SLC4A4: variants seen among roughly 807,000 people sequenced by gnomAD.
SLC4A4 encodes solute carrier family 4 member 4, also known as electrogenic sodium bicarbonate cotransporter 1.
Under a neutral mutation model 111.5 loss-of-function variants are expected in SLC4A4, and 27 were observed. The observed-to-expected ratio is 0.24, with a 90% CI of 0.18 to 0.33. The LOEUF (loss-of-function observed/expected upper bound fraction) is 0.33, where lower values mean the gene tolerates loss of function less well. Among genes scored for constraint, SLC4A4 ranks in the 10% least tolerant of loss-of-function variants. The probability of loss-of-function intolerance (pLI) is 1.00; values close to 1 mark genes in which losing one functional copy is unlikely to be tolerated. For synonymous variants in SLC4A4, 443 were observed against 463.4 expected (o/e 0.96, Z 0.57); for missense variants, 909 against 1,315.5 (o/e 0.69, Z 4.78).
At chr4:71,290,646 G>A (rs1253329451) in intron 3 of SLC4A4, among the ~76,000 whole-genome samples, 2 of 152,148 alleles carry the variant, frequency 1.3e-5, no homozygotes, top group Non-Finnish European at 2.9e-5. Flanking sequence ...CATATGACTG[G>A]GTATCTGGGT....
intron 12 of SLC4A4, among the ~76,000 whole-genome samples, chr4:71,464,539 A>C (rs1727139864): frequency 6.6e-6 from 1 of 152,194 alleles, no homozygotes; most frequent in South Asian, 2.1e-4. Flanking sequence ...TGTAAATGGA[A>C]GTCCTTATGA....
chr4:71,379,914 T>C (rs1385661243), intron 6 of SLC4A4, among the ~76,000 whole-genome samples: 1 of 152,170 alleles, frequency 6.6e-6, no homozygotes, highest in African/African-American at 2.4e-5. Flanking sequence ...TGGGGCTTTT[T>C]TGAAGAAACT....
At chr4:71,289,386 C>A (rs1349486493) in intron 3 of SLC4A4, among the ~76,000 whole-genome samples, 1 of 152,148 alleles carries the variant, frequency 6.6e-6, no homozygotes, top group Non-Finnish European at 1.5e-5. Context: ...TTGTTAATTA[C>A]AACTAGTTAG....
intron 6 of SLC4A4, among the ~76,000 whole-genome samples, chr4:71,370,725 C>T (rs995694790): frequency 2.6e-5 from 4 of 152,174 alleles, no homozygotes; most frequent in African/African-American, 4.8e-5. Flanking sequence ...ATAGAAATTG[C>T]TCAAGAAATT....
In SLC4A4 at chr4:71,403,643, A is replaced by G. The variant is rs574575366; in HGVS notation, c.807+5990A>G. On this transcript the variant is annotated intron_variant, in intron 7 of 25. Coordinates refer to ENST00000264485, the MANE Select transcript of SLC4A4 (RefSeq NM_001098484.3). ...AAGATGATGTGTTCAAGAAACAGGA[A>G]AAAAAATATCATAAGTGGCTGGAGC... is the stretch of plus-strand genomic sequence containing the variant. Among the ~76,000 whole-genome samples, 10 of 152,230 alleles carry G rather than the reference A, an allele frequency of 6.6e-5. No individual in the cohort carries two copies. The South Asian group carries it at 2.1e-3, about 32-fold the overall frequency.
At chr4:71,526,629 T>A (rs919533751) in intron 16 of SLC4A4, among the ~76,000 whole-genome samples, 1 of 152,144 alleles carries the variant, frequency 6.6e-6, no homozygotes, top group Non-Finnish European at 1.5e-5. Context: ...TTTCTATGGC[T>A]GTTTTGTCAA....
chr4:71,267,819 G>GAAAAAAAAAAAAAAA (rs1722399005), intron 3 of SLC4A4, among the ~76,000 whole-genome samples: 1 of 62,928 alleles, frequency 1.6e-5, no homozygotes, highest in African/African-American at 5.4e-5. Flanking sequence ...AAAAAAAAAA[G>GAAAAAAAAAAAAAAA]AAAACGAAAC....
rs1168317518 is a variant in SLC4A4, at chr4:71,532,073, G to C, written c.2178G>C (p.Leu726=). ...TTTTATTTTTCCAGGCAAGAAAACT[G>C]ATCAGTGATTTTGCCATTATCTTGT... ...SPYFPTTARK[L]ISDFAIILSI... Residue 726 remains leucine (L), a synonymous_variant, in exon 17 of 26, where the codon CTG becomes CTC. Coordinates refer to ENST00000264485, the MANE Select transcript of SLC4A4 (RefSeq NM_001098484.3). The C allele has an allele frequency of 2.5e-6, 4 of 1,607,606 alleles. No homozygotes were observed. The highest frequency in any genetic ancestry group is 1.7e-5 in the Admixed American group (1 of 59,840).
At chr4:71,442,919 G>A (rs1362826073) in intron 8 of SLC4A4, among the ~76,000 whole-genome samples, 1 of 151,556 alleles carries the variant, frequency 6.6e-6, no homozygotes, top group African/African-American at 2.4e-5. Context: ...ACTATCAACC[G>A]GGTGAATGTC....
At chr4:71,230,708 C>T (rs1719361290) in intron 1 of SLC4A4, among the ~76,000 whole-genome samples, 1 of 152,200 alleles carries the variant, frequency 6.6e-6, no homozygotes, top group South Asian at 2.1e-4. Context: ...TCAAAAAGCC[C>T]TGCTATGAAC....
chr4:71,525,456 A>G (rs1733332875), intron 16 of SLC4A4, among the ~76,000 whole-genome samples: 2 of 152,158 alleles, frequency 1.3e-5, no homozygotes, highest in African/African-American at 4.8e-5. Context: ...GGTAGAAATT[A>G]TATGCTGTAG....
intron 3 of SLC4A4, among the ~76,000 whole-genome samples, chr4:71,322,491 G>C (rs1027773029): frequency 6.6e-6 from 1 of 151,972 alleles, no homozygotes; most frequent in Non-Finnish European, 1.5e-5. Context: ...AGTTGCACTC[G>C]AACAAATCTG....
At chr4:71,456,168 GA>G (rs1327010720) in intron 12 of SLC4A4, among the ~76,000 whole-genome samples, 1 of 152,112 alleles carries the variant, frequency 6.6e-6, no homozygotes, top group Non-Finnish European at 1.5e-5. Context: ...AACCTCCATT[GA>G]TAATTTCACT....
intron 14 of SLC4A4, among the ~76,000 whole-genome samples, chr4:71,482,452 G>C (rs1578010317): frequency 6.6e-6 from 1 of 151,588 alleles, no homozygotes; most frequent in Non-Finnish European, 1.5e-5. Flanking sequence ...AAACTTGAGA[G>C]CAGCTACTAA....
At chr4:71,189,550 A>G (rs772260887) in intron 1 of SLC4A4, among the ~76,000 whole-genome samples, 26 of 152,310 alleles carry the variant, frequency 1.7e-4, no homozygotes, top group East Asian at 1.9e-4. Flanking sequence ...TGGCAGGTAC[A>G]GTTTTGAGGT....
intron 3 of SLC4A4, among the ~76,000 whole-genome samples, chr4:71,337,090 T>G (rs1728489116): frequency 6.6e-6 from 1 of 152,186 alleles, no homozygotes; most frequent in African/African-American, 2.4e-5. Flanking sequence ...AAACACCCCA[T>G]GATTGGTCAA....
intron 3 of SLC4A4, among the ~76,000 whole-genome samples, chr4:71,326,403 C>T (rs752531527): frequency 7.9e-5 from 12 of 151,918 alleles, no homozygotes; most frequent in Non-Finnish European, 1.0e-4. Context: ...TTTGCTGAAC[C>T]TCTCTGAGCC....
At chr4:71,237,136 T>C (rs1193943055) in intron 2 of SLC4A4, among the ~76,000 whole-genome samples, 1 of 152,190 alleles carries the variant, frequency 6.6e-6, no homozygotes, top group East Asian at 1.9e-4. Flanking sequence ...TGGATGACTG[T>C]CAGTTAGGAA....
chr4:71,560,339 G>T, intron 23 of SLC4A4, 85 bp downstream of exon 23: 1 of 1,426,672 alleles, frequency 7.0e-7, no homozygotes, highest in Non-Finnish European at 9.6e-7. Flanking sequence ...ATGTGAAATG[G>T]AGGGCTGAGT....
Sources: allele counts gnomAD v4.1 joint callset (sites outside exome capture counted in the v4.1 genomes callset), GRCh38; gene constraint gnomAD v4.1.1; transcripts MANE v1.5; gene names NCBI Gene and HGNC (gene_info 2026-07-23, HGNC 2026-07-21).